PRIM2: variants seen among roughly 807,000 people sequenced by gnomAD.
PRIM2 encodes DNA primase large subunit.
In PRIM2, 39 loss-of-function variants were observed where a neutral mutation model predicts 67.3. That is an observed-to-expected ratio of 0.58 (90% CI 0.45 to 0.76). The LOEUF is 0.76. Ranked by LOEUF, PRIM2 falls within the 30% of genes least tolerant of loss-of-function variation. The pLI is 0.00. For synonymous variants in PRIM2, 143 were observed against 198.7 expected (o/e 0.72, Z 2.36); for missense variants, 398 against 598.7 (o/e 0.66, Z 3.50).
At chr6:57,287,736 T>C in the PRIM2 span, among the ~76,000 whole-genome samples, 1 of 151,336 alleles carries the variant, frequency 6.6e-6, no homozygotes, top group Non-Finnish European at 1.5e-5. Flanking sequence ...GTAACAAAGC[T>C]GCATGTTCAG....
chr6:57,294,475 C>T, the PRIM2 span, among the ~76,000 whole-genome samples: 1 of 151,596 alleles, frequency 6.6e-6, no homozygotes, highest in Non-Finnish European at 1.5e-5. Context: ...AGCGAGACTC[C>T]GTCTGCAAAA....
At chr6:57,247,927 AT>A in the PRIM2 span, among the ~76,000 whole-genome samples, 1 of 152,240 alleles carries the variant, frequency 6.6e-6, no homozygotes, top group African/African-American at 2.4e-5. Flanking sequence ...ACTAAAAAAA[AT>A]CAAGACACTG....
At chr6:57,543,699 C>G (rs1383782958) in intron 10 of PRIM2, among the ~76,000 whole-genome samples, 1 of 152,136 alleles carries the variant, frequency 6.6e-6, no homozygotes, top group Admixed American at 6.5e-5. Flanking sequence ...ACTGCCTGAT[C>G]GGTATCTGTC....
intron 7 of PRIM2, among the ~76,000 whole-genome samples, chr6:57,469,284 A>G (rs1468187685): frequency 6.6e-6 from 1 of 152,256 alleles, no homozygotes; most frequent in Non-Finnish European, 1.5e-5. Context: ...GTGAAAGCAG[A>G]TACTTTCAAA....
chr6:57,238,154 C>T, the PRIM2 span, among the ~76,000 whole-genome samples: 5 of 152,082 alleles, frequency 3.3e-5, no homozygotes, highest in African/African-American at 9.7e-5. Flanking sequence ...GACAGATCAA[C>T]GAGACAGAAA....
chr6:57,483,551 A>C (rs1301032085), intron 7 of PRIM2, among the ~76,000 whole-genome samples: 2 of 152,194 alleles, frequency 1.3e-5, no homozygotes, highest in Non-Finnish European at 2.9e-5. Context: ...ATAACCCAGA[A>C]GCTAGTATTT....
chr6:57,257,802 A>G, the PRIM2 span, among the ~76,000 whole-genome samples: 4 of 152,202 alleles, frequency 2.6e-5, no homozygotes, highest in Non-Finnish European at 4.4e-5. Context: ...TTAAGTGACC[A>G]GTATATGTTA....
intron 8 of PRIM2, among the ~76,000 whole-genome samples, chr6:57,513,378 A>G (rs1227317235): frequency 2.5e-4 from 37 of 146,318 alleles, no homozygotes; most frequent in African/African-American, 8.9e-4. Context: ...AAAGGTGTTT[A>G]TTTTTATTTA....
At chr6:57,358,214 A>G (rs1480161801) in intron 5 of PRIM2, among the ~76,000 whole-genome samples, 3 of 152,218 alleles carry the variant, frequency 2.0e-5, no homozygotes, top group Admixed American at 1.3e-4. Context: ...AGATCAAGCA[A>G]TAGTGTGCAG....
intron 7 of PRIM2, among the ~76,000 whole-genome samples, chr6:57,403,551 C>T (rs1420988251): frequency 5.9e-5 from 9 of 151,980 alleles, no homozygotes; most frequent in South Asian, 4.1e-4. Flanking sequence ...TGTAAGCCAC[C>T]GCGCCTGGCC....
chr6:57,567,661 G>A (rs1462887376), intron 10 of PRIM2, among the ~76,000 whole-genome samples: 1 of 152,086 alleles, frequency 6.6e-6, no homozygotes, highest in African/African-American at 2.4e-5. Flanking sequence ...TGTAGTATGT[G>A]AGAAAGCAAA....
chr6:57,470,143 A>G (rs1411762692), intron 7 of PRIM2, among the ~76,000 whole-genome samples: 1 of 152,148 alleles, frequency 6.6e-6, no homozygotes, highest in African/African-American at 2.4e-5. Context: ...ATGTAAGTAG[A>G]TTAGTATTTG....
At chr6:57,538,458 T>C (rs1320083233) in intron 10 of PRIM2, among the ~76,000 whole-genome samples, 6 of 152,348 alleles carry the variant, frequency 3.9e-5, no homozygotes, top group South Asian at 4.1e-4. Context: ...AATAACATTT[T>C]ACTTGGAAAT....
chr6:57,361,166 A>G (rs906886939), intron 5 of PRIM2, among the ~76,000 whole-genome samples: 1 of 152,188 alleles, frequency 6.6e-6, no homozygotes, highest in African/African-American at 2.4e-5. Context: ...GAGGAATAGA[A>G]GGAAAGCTAT....
chr6:57,335,688 C>G (rs1307568812), intron 5 of PRIM2, among the ~76,000 whole-genome samples: 1 of 152,148 alleles, frequency 6.6e-6, no homozygotes, highest in Non-Finnish European at 1.5e-5. Context: ...ACAGAAAGGA[C>G]AAACACACCA....
intron 7 of PRIM2, among the ~76,000 whole-genome samples, chr6:57,455,551 TG>T (rs1431381541): frequency 1.5e-4 from 23 of 152,360 alleles, no homozygotes; most frequent in Admixed American, 1.2e-3. Context: ...TGGCCTGCTT[TG>T]TCTCTTTTGA....
chr6:57,270,016 C>G, the PRIM2 span, among the ~76,000 whole-genome samples: 1 of 152,098 alleles, frequency 6.6e-6, no homozygotes, highest in Non-Finnish European at 1.5e-5. Context: ...CAGTACCATG[C>G]TGTTTTGGTT....
intron 7 of PRIM2, among the ~76,000 whole-genome samples, chr6:57,488,746 C>T (rs1222203214): frequency 2.2e-4 from 33 of 152,282 alleles, no homozygotes; most frequent in African/African-American, 7.9e-4. Context: ...TCTTTACTCA[C>T]ATAGAGAAGA....
At chr6:57,225,011 A>C in the PRIM2 span, among the ~76,000 whole-genome samples, 3 of 152,240 alleles carry the variant, frequency 2.0e-5, no homozygotes, top group African/African-American at 7.2e-5. Context: ...CAAACCTTGC[A>C]AAATAACCCT....
Sources: gnomAD v4.1 joint callset for allele counts (sites outside exome capture counted in the v4.1 genomes callset) on GRCh38, gnomAD v4.1.1 for gene constraint, MANE v1.5 for transcripts, NCBI Gene and HGNC (gene_info 2026-07-23, HGNC 2026-07-21) for gene names.